The following IL1RAPL2 variants were observed in gnomAD, a reference collection of about 807,000 sequenced individuals.
The protein encoded by IL1RAPL2 is X-linked interleukin-1 receptor accessory protein-like 2.
A neutral mutation model predicts 44.1 loss-of-function variants in IL1RAPL2; 3 were observed. The ratio of observed to expected loss-of-function variants is 0.07; its 90% confidence interval spans 0.03 to 0.18. The LOEUF is 0.18. IL1RAPL2 is among the 10% of genes least tolerant of loss of function. The pLI, the probability that IL1RAPL2 is intolerant of heterozygous loss-of-function variation, is 1.00. For missense variants in IL1RAPL2, 391 were observed against 496.4 expected (o/e 0.79, Z 2.02); for synonymous variants, 181 against 178.8 (o/e 1.01, Z -0.10).
intron 2 of IL1RAPL2, among the ~76,000 whole-genome samples, chrX:105,085,293 C>T (rs1171262053): frequency 9.0e-6 from 1 of 111,522 alleles, no homozygotes; most frequent in South Asian, 3.7e-4. Flanking sequence ...GGGCTCATAG[C>T]CAAAATATAT....
At chrX:105,491,326 AT>A (rs2036316792) in intron 6 of IL1RAPL2, among the ~76,000 whole-genome samples, 1 of 112,029 alleles carries the variant, frequency 8.9e-6, no homozygotes, top group Non-Finnish European at 1.9e-5. Context: ...ATGAAGTAGA[AT>A]TATTGTTAAT....
chrX:104,647,440 C>G, intron 1 of IL1RAPL2: 2 of 612,607 alleles, frequency 3.3e-6, no homozygotes, highest in East Asian at 3.4e-5. Context: ...GCTGATCCAC[C>G]TCTTTGGCTT....
chrX:105,670,142 T>TATATATATATATATATATATATATATAA, intron 6 of IL1RAPL2, among the ~76,000 whole-genome samples: 1 of 52,975 alleles, frequency 1.9e-5, no homozygotes, highest in African/African-American at 7.4e-5. Flanking sequence ...TATATATATA[T>TATATATATATATATATATATATATATAA]ATATATCTCC....
intron 3 of IL1RAPL2, among the ~76,000 whole-genome samples, chrX:105,204,323 C>T (rs782110547): frequency 1.1e-4 from 12 of 111,219 alleles, no homozygotes; most frequent in East Asian, 2.8e-4. Context: ...TTGCTAGCTA[C>T]GGTGTACTGA....
rs758685835 is a variant in IL1RAPL2 at position 105,466,597 on chromosome X, T to C, written c.698-17716T>C. ...TCCTACTTCATCTGTCACTCTTTCT[T>C]TACTTTTTAATAGAGGAAAAAGAAA... On this transcript the variant is annotated intron_variant, in intron 5 of 10. Coordinates refer to ENST00000372582, the MANE Select transcript of IL1RAPL2 (RefSeq NM_017416.2). Among the ~76,000 whole-genome samples, 17 of 111,977 alleles carry C rather than the reference T, an allele frequency of 1.5e-4. No individual in the cohort carries two copies. In the East Asian group the frequency reaches 4.8e-3, roughly 32 times the overall value.
chrX:105,425,038 A>G (rs16984771), intron 5 of IL1RAPL2, among the ~76,000 whole-genome samples: 6,587 of 110,550 alleles, frequency 0.06, 477 homozygotes, highest in African/African-American at 0.21. Context: ...AAAGAAATCC[A>G]GGGCAGCTAC....
chrX:105,699,373 G>A (rs1013348544), intron 6 of IL1RAPL2, among the ~76,000 whole-genome samples: 5 of 111,234 alleles, frequency 4.5e-5, no homozygotes, highest in South Asian at 3.7e-4. Context: ...AGCCTACTAC[G>A]TGTCAATTAC....
chrX:105,348,349 G>A (rs1321390), intron 5 of IL1RAPL2, among the ~76,000 whole-genome samples: 14,475 of 110,858 alleles, frequency 0.13, 2,311 homozygotes, highest in African/African-American at 0.45. Flanking sequence ...CCAATTAATA[G>A]CTTAGTGACT....
chrX:105,400,517 A>T (rs768337490), intron 5 of IL1RAPL2, among the ~76,000 whole-genome samples: 32 of 111,569 alleles, frequency 2.9e-4, no homozygotes, highest in Non-Finnish European at 5.7e-4. Context: ...ATAGCCCAGT[A>T]CTTGATTCAC....
chrX:105,447,489 A>G (rs1330922251), intron 5 of IL1RAPL2, among the ~76,000 whole-genome samples: 2 of 75,844 alleles, frequency 2.6e-5, no homozygotes, highest in African/African-American at 5.5e-5. Context: ...ATATAAATAT[A>G]TAAACTTAAA....
chrX:105,120,373 C>G (rs759654228), intron 2 of IL1RAPL2, among the ~76,000 whole-genome samples: 8 of 110,404 alleles, frequency 7.2e-5, no homozygotes, highest in Admixed American at 3.9e-4. Context: ...ATGAAATAAC[C>G]TTTAAATATT....
At chrX:105,683,100 T>A (rs757679859) in intron 6 of IL1RAPL2, among the ~76,000 whole-genome samples, 23 of 112,172 alleles carry the variant, frequency 2.1e-4, no homozygotes, top group Non-Finnish European at 3.9e-4. Flanking sequence ...ACAGACAACA[T>A]AAACCATAGA....
rs1222704293 is a variant in IL1RAPL2 at position 104,906,084 on chromosome X, C to T, written c.82+247089C>T. On this transcript the variant is annotated intron_variant, in intron 2 of 10. Transcript: ENST00000372582. ...TGAAGCAATTGTGAATGGGAGTTCA[C>T]TCATGATTTGGCTCTCTGTTTGTCT... Among the ~76,000 whole-genome samples, 532 of 109,234 alleles carry T rather than the reference C, an allele frequency of 4.9e-3. 7 individuals carry two copies. The highest frequency in any genetic ancestry group is 0.017 in the African/African-American group (503 of 30,144). 94.9% of individuals were successfully genotyped at this position (109,234 alleles called of 115,157 possible). A position where few individuals can be genotyped will look rare whatever the true frequency, so the allele number is the denominator to read the frequency against.
In IL1RAPL2 at chrX:105,081,167, A is replaced by G. The variant is rs941128683; in HGVS notation, c.83-114308A>G. Among the ~76,000 whole-genome samples the G allele has an allele frequency of 2.7e-5, 3 of 111,229 alleles. No homozygotes were observed. The Admixed American group carries it at 2.9e-4, about 11-fold the overall frequency. ...ACACAATCATGTCATCTGCAAACAG[A>G]GACAATTTGACATCCTCTTTTCCTA... On this transcript the variant is annotated intron_variant, in intron 2 of 10. Coordinates refer to ENST00000372582, the MANE Select transcript of IL1RAPL2 (RefSeq NM_017416.2).
intron 6 of IL1RAPL2, among the ~76,000 whole-genome samples, chrX:105,573,476 T>G (rs1215811472): frequency 9.0e-6 from 1 of 111,417 alleles, no homozygotes; most frequent in African/African-American, 3.3e-5. Context: ...TATGAATGTC[T>G]GAATTTAGAT....
Position 105,190,890 on chromosome X carries a change from T to C in IL1RAPL2, c.83-4585T>C, listed in dbSNP as rs184813388. Among the ~76,000 whole-genome samples, 113 of 112,309 alleles carry C rather than the reference T, an allele frequency of 1.0e-3. 1 individual carries two copies. The highest frequency in any genetic ancestry group is 3.6e-3 in the African/African-American group (110 of 30,939). ...GATGCGGCAGGATTTGCCTTCCTGGTTGTACTGAAGAGGAAGTAGGAGGCT... is the reference window on the plus strand; with the variant it reads ...GATGCGGCAGGATTTGCCTTCCTGGCTGTACTGAAGAGGAAGTAGGAGGCT... On this transcript the variant is annotated intron_variant, in intron 2 of 10. Coordinates refer to ENST00000372582, the MANE Select transcript of IL1RAPL2 (RefSeq NM_017416.2).
At chrX:105,524,975 G>T (rs1441080218) in intron 6 of IL1RAPL2, among the ~76,000 whole-genome samples, 1 of 111,391 alleles carries the variant, frequency 9.0e-6, no homozygotes, top group Non-Finnish European at 1.9e-5. Context: ...AGCTGTAATA[G>T]TATCATGAGT....
At chrX:104,895,401 G>A (rs1328203266) in intron 2 of IL1RAPL2, among the ~76,000 whole-genome samples, 1 of 112,792 alleles carries the variant, frequency 8.9e-6, no homozygotes, top group African/African-American at 3.2e-5. Flanking sequence ...TACAGAGGCA[G>A]GCAGGACTCC....
At chrX:104,967,295 T>C (rs2030143393) in intron 2 of IL1RAPL2, among the ~76,000 whole-genome samples, 1 of 111,270 alleles carries the variant, frequency 9.0e-6, no homozygotes, top group African/African-American at 3.3e-5. Flanking sequence ...ATTTAAAATA[T>C]ACATTTGAAT....
Sources: gnomAD v4.1 joint callset for allele counts (sites outside exome capture counted in the v4.1 genomes callset) on GRCh38, gnomAD v4.1.1 for gene constraint, MANE v1.5 for transcripts, NCBI Gene and HGNC (gene_info 2026-07-23, HGNC 2026-07-21) for gene names.